The following ETV5 variants were observed in gnomAD, a reference collection of about 807,000 sequenced individuals.
ETV5 encodes the protein ETS translocation variant 5.
A neutral mutation model predicts 70.0 loss-of-function variants in ETV5; 10 were observed. The observed-to-expected ratio is 0.14, with a 90% CI of 0.09 to 0.24. The LOEUF (loss-of-function observed/expected upper bound fraction) is 0.24. Ranked by LOEUF, ETV5 falls within the 10% of genes least tolerant of loss-of-function variation. The pLI is 1.00. For missense variants in ETV5, 453 were observed against 651.2 expected (o/e 0.70, Z 3.31); for synonymous variants, 216 against 242.2 (o/e 0.89, Z 1.01).
chr3:186,051,014 A>G (rs1391605725), intron 12 of ETV5, among the ~76,000 whole-genome samples: 2 of 152,226 alleles, frequency 1.3e-5, no homozygotes, highest in Non-Finnish European at 2.9e-5. Context: ...ATTACATTAA[A>G]AGGTGGCTAT....
chr3:186,057,447 A>C lies in ETV5; in HGVS notation c.1015T>G (p.Cys339Gly). Residue 339 changes from cysteine (C) to glycine (G), a missense_variant, in exon 10 of 13, where the codon TGT becomes GGT. By Grantham distance (159) the Cys-to-Gly change is radical (BLOSUM62 -3). This residue lies in a region of ETV5 where 307 missense variants were observed against 344.9 expected (regional missense o/e 0.89). Transcript: ENST00000306376. This position sits in a 1 kb window ranked among gnomAD's most constrained non-coding sequence, Gnocchi z 4.9. ...KDPRLYFDDT[C>G]VVPERLEGKV... ...CCTTCCAGTCTCTCAGGCACAACAC[A>C]AGTGTCGTCAAAGTATAATCGGGGA... The C allele has an allele frequency of 6.2e-7, 1 of 1,614,134 alleles. No individual in the cohort carries two copies. The highest frequency in any genetic ancestry group is 8.5e-7 in the Non-Finnish European group (1 of 1,179,984).
At chr3:186,080,279 A>G (rs998785602) in intron 6 of ETV5, among the ~76,000 whole-genome samples, 175 bp from the exon 7 acceptor site, 9 of 152,330 alleles carry the variant, frequency 5.9e-5, no homozygotes, top group African/African-American at 2.2e-4. Context: ...AGTGACAAAC[A>G]CACTGCGTCA....
At chr3:186,096,309 T>C (rs1362239446) in intron 5 of ETV5, among the ~76,000 whole-genome samples, 1 of 152,214 alleles carries the variant, frequency 6.6e-6, no homozygotes, top group African/African-American at 2.4e-5. Flanking sequence ...CGGCCTTTAC[T>C]GTGGGTGACC....
chr3:186,094,680 T>C (rs554291198), intron 5 of ETV5, among the ~76,000 whole-genome samples: 27 of 152,310 alleles, frequency 1.8e-4, no homozygotes, highest in African/African-American at 6.0e-4. Context: ...TTAGACCAAC[T>C]TCGATTGAAG....
At chr3:186,108,812 A>T in intron 1 of ETV5, 128 bp downstream of exon 1, 1 of 290,988 alleles carries the variant, frequency 3.4e-6, no homozygotes, top group African/African-American at 2.3e-5. Flanking sequence ...GGGGGGGGTC[A>T]CCCCAGCTAC....
intron 12 of ETV5, 113 bp downstream of exon 12, chr3:186,051,917 C>G: frequency 1.0e-6 from 1 of 963,862 alleles, no homozygotes; most frequent in Non-Finnish European, 1.6e-6. Context: ...CACAGAATCA[C>G]TTAGGGGGCT....
intron 7 of ETV5, among the ~76,000 whole-genome samples, chr3:186,077,788 C>T (rs995224087): frequency 1.3e-5 from 2 of 152,176 alleles, no homozygotes; most frequent in Non-Finnish European, 2.9e-5. Context: ...AATCCAAGTG[C>T]CCAGTGTTGT....
At chr3:186,065,300 T>C (rs1488241226) in intron 8 of ETV5, among the ~76,000 whole-genome samples, 1 of 152,192 alleles carries the variant, frequency 6.6e-6, no homozygotes, top group East Asian at 1.9e-4. Context: ...AAAATGTTGC[T>C]GTTCATGCTA....
chr3:186,071,963 A>G (rs1292134177), intron 7 of ETV5, among the ~76,000 whole-genome samples: 1 of 151,538 alleles, frequency 6.6e-6, no homozygotes, highest in African/African-American at 2.4e-5. Flanking sequence ...ACACATGGCT[A>G]ATTTTTTTGT....
chr3:186,099,182 T>G (rs1714387482), intron 5 of ETV5, among the ~76,000 whole-genome samples: 1 of 152,174 alleles, frequency 6.6e-6, no homozygotes, highest in Admixed American at 6.5e-5. Flanking sequence ...GTACTTACAT[T>G]ATGGTTATAA....
At chr3:186,102,124 T>C (rs1335531707) in intron 5 of ETV5, among the ~76,000 whole-genome samples, 1 of 151,862 alleles carries the variant, frequency 6.6e-6, no homozygotes, top group East Asian at 1.9e-4. Flanking sequence ...TCTAAGAAAC[T>C]TACAAAATAT....
intron 9 of ETV5, among the ~76,000 whole-genome samples, chr3:186,062,815 T>C (rs776174428): frequency 3.3e-5 from 5 of 152,184 alleles, no homozygotes; most frequent in Admixed American, 2.0e-4. Context: ...TAATCCTATA[T>C]TTACATATGC....
At chr3:186,071,904 T>TCTA (rs1275740581) in intron 7 of ETV5, among the ~76,000 whole-genome samples, 1 of 151,640 alleles carries the variant, frequency 6.6e-6, no homozygotes, top group Non-Finnish European at 1.5e-5. Flanking sequence ...TTCAAGCAAT[T>TCTA]CTACTGACTC....
intron 9 of ETV5, among the ~76,000 whole-genome samples, chr3:186,058,027 G>A (rs1405202415): frequency 3.9e-5 from 6 of 152,184 alleles, no homozygotes; most frequent in Non-Finnish European, 7.3e-5. Flanking sequence ...AGAGGATTTC[G>A]AAAGCAGTAT....
intron 5 of ETV5, chr3:186,095,153 T>C (rs955742543): frequency 1.3e-5 from 2 of 152,184 alleles, no homozygotes; most frequent in Non-Finnish European, 2.9e-5. Context: ...ATTTTCAAGA[T>C]TGAGAAAGAG....
At chr3:186,103,309 T>G (rs1313109072) in intron 5 of ETV5, among the ~76,000 whole-genome samples, 2 of 152,206 alleles carry the variant, frequency 1.3e-5, no homozygotes, top group Non-Finnish European at 2.9e-5. Flanking sequence ...ATTTATTGAT[T>G]TCTTCACTTT....
intron 7 of ETV5, among the ~76,000 whole-genome samples, chr3:186,077,196 T>C (rs1421610827): frequency 2.0e-5 from 3 of 152,230 alleles, no homozygotes; most frequent in Non-Finnish European, 4.4e-5. Flanking sequence ...ACTTCTATCA[T>C]GCAAAATACC....
intron 1 of ETV5, chr3:186,108,313 G>C: frequency 2.2e-6 from 1 of 456,606 alleles, no homozygotes; most frequent in South Asian, 1.6e-5. Flanking sequence ...GGTGCGCCCC[G>C]ATTTTCTCGA....
chr3:186,051,879 A>G (rs1022263341), intron 12 of ETV5, 151 bp downstream of exon 12: 5 of 630,268 alleles, frequency 7.9e-6, no homozygotes, highest in African/African-American at 7.3e-5. Flanking sequence ...TCTTGTCTCA[A>G]GTTTGTCTTC....
Sources: allele counts gnomAD v4.1 joint callset (sites outside exome capture counted in the v4.1 genomes callset), GRCh38; gene constraint gnomAD v4.1.1; regional missense constraint gnomAD v4.1.1; non-coding constraint Gnocchi (gnomAD v3.1); transcripts MANE v1.5; gene names NCBI Gene and HGNC (gene_info 2026-07-23, HGNC 2026-07-21).